The following MYZAP variants were observed in gnomAD, a reference collection of about 807,000 sequenced individuals.
MYZAP encodes GRINL1A complex locus upstream.
MYZAP carries 66 observed loss-of-function variants against 69.4 expected under a neutral mutation model. The ratio of observed to expected loss-of-function variants is 0.95; its 90% CI spans 0.78 to 1.17. MYZAP has a LOEUF of 1.17. MYZAP is among the 50% of genes most tolerant of loss of function. The pLI is 0.00. For missense variants in MYZAP, 611 were observed against 556.2 expected (o/e 1.10, Z -0.99); for synonymous variants, 256 against 205.9 (o/e 1.24, Z -2.09).
intron 12 of MYZAP, 140 bp downstream of exon 12, chr15:57,675,208 G>A (rs1215316014): frequency 3.8e-6 from 3 of 798,688 alleles, no homozygotes; most frequent in Admixed American, 5.7e-5. Flanking sequence ...GCTGCTGAGA[G>A]GCTTGACTGG....
At chr15:57,602,239 A>T (rs556895250) in intron 1 of MYZAP, among the ~76,000 whole-genome samples, 1 of 152,184 alleles carries the variant, frequency 6.6e-6, no homozygotes, top group East Asian at 1.9e-4. Flanking sequence ...AACTACCACA[A>T]CGCCATTGGC....
chr15:57,629,256 T>C (rs2036352040), intron 5 of MYZAP, among the ~76,000 whole-genome samples: 2 of 152,156 alleles, frequency 1.3e-5, no homozygotes, highest in Non-Finnish European at 2.9e-5. Context: ...ATCATTCAGA[T>C]TTCCTCCTGG....
At chr15:57,625,423 C>T (rs117524976) in intron 4 of MYZAP, among the ~76,000 whole-genome samples, 2,251 of 152,286 alleles carry the variant, frequency 0.015, 30 homozygotes, top group South Asian at 0.045. Flanking sequence ...AAGGTGGCTG[C>T]AGAAGTTATT....
At chr15:57,672,241 C>G (rs763535147) in intron 11 of MYZAP, among the ~76,000 whole-genome samples, 2 of 152,154 alleles carry the variant, frequency 1.3e-5, no homozygotes, top group Non-Finnish European at 2.9e-5. Context: ...CGGGTTTCTT[C>G]CCCCAGAAAG....
chr15:57,616,539 G>A (rs1174772469), intron 2 of MYZAP, among the ~76,000 whole-genome samples: 1 of 152,194 alleles, frequency 6.6e-6, no homozygotes, highest in African/African-American at 2.4e-5. Context: ...AGGAGGCTGA[G>A]GTAGGAGAAT....
intron 12 of MYZAP, among the ~76,000 whole-genome samples, chr15:57,675,328 C>T (rs1361696919): frequency 6.6e-6 from 1 of 151,956 alleles, no homozygotes; most frequent in African/African-American, 2.4e-5. Context: ...TGCATTTGTT[C>T]CTTCCTTCCT....
chr15:57,647,312 G>T (rs1397766570), intron 10 of MYZAP: 1 of 985,236 alleles, frequency 1.0e-6, no homozygotes, highest in African/African-American at 1.7e-5. Context: ...CAGATACGAT[G>T]CTGGGTATTC....
chr15:57,655,097 C>G (rs1294792011), intron 10 of MYZAP, among the ~76,000 whole-genome samples: 1 of 152,072 alleles, frequency 6.6e-6, no homozygotes, highest in African/African-American at 2.4e-5. Flanking sequence ...GGGGTAGGTT[C>G]AAAGGCTGAG....
At chr15:57,657,270 GT>G (rs1488854045) in intron 10 of MYZAP, among the ~76,000 whole-genome samples, 1 of 152,068 alleles carries the variant, frequency 6.6e-6, no homozygotes, top group Non-Finnish European at 1.5e-5. Flanking sequence ...GAAGCTTTTA[GT>G]TCCATTTTGC....
chr15:57,636,050 T>C (rs369437527), intron 8 of MYZAP, among the ~76,000 whole-genome samples: 31 of 152,244 alleles, frequency 2.0e-4, no homozygotes, highest in African/African-American at 7.5e-4. Flanking sequence ...TTAAGATTTA[T>C]TGTACCTCAA....
At chr15:57,629,273 TC>T (rs1432047564) in intron 5 of MYZAP, among the ~76,000 whole-genome samples, 10 of 151,942 alleles carry the variant, frequency 6.6e-5, no homozygotes, top group African/African-American at 2.2e-4. Flanking sequence ...CTGGTCTTTT[TC>T]CCCCCAGTGC....
intron 4 of MYZAP, among the ~76,000 whole-genome samples, 198 bp downstream of exon 4, chr15:57,621,898 AT>A (rs1242067061): frequency 1.3e-5 from 2 of 152,216 alleles, no homozygotes; most frequent in African/African-American, 4.8e-5. Context: ...GAATAATCGT[AT>A]TCATATTCAA....
intron 10 of MYZAP, among the ~76,000 whole-genome samples, chr15:57,642,397 A>G (rs2037211762): frequency 1.3e-5 from 2 of 152,198 alleles, no homozygotes; most frequent in Non-Finnish European, 2.9e-5. Flanking sequence ...GGAGTACTGA[A>G]TTGGTCACTT....
rs77260126 is a variant in MYZAP, at chr15:57,603,341, G to A, written c.76-928G>A. On this transcript the variant is annotated intron_variant, in intron 1 of 12. Coordinates refer to ENST00000267853, the MANE Select transcript of MYZAP (RefSeq NM_001018100.5). ...TTTTTTAAATTGTAGCAATGTACTT[G>A]TGAGATTTACCATTTTGACCCTTTT... is the stretch of plus-strand genomic sequence containing the variant. Among the ~76,000 whole-genome samples the A allele has an allele frequency of 5.7e-4, 86 of 151,846 alleles. 1 individual carries two copies. The East Asian group carries it at 0.015, about 27-fold the overall frequency.
At chr15:57,612,753 G>T (rs1400844324) in intron 2 of MYZAP, among the ~76,000 whole-genome samples, 2 of 152,170 alleles carry the variant, frequency 1.3e-5, no homozygotes, top group African/African-American at 4.8e-5. Context: ...GCTGCCAGAT[G>T]TATCTTTAGG....
intron 11 of MYZAP, among the ~76,000 whole-genome samples, chr15:57,666,166 A>G (rs1436470164): frequency 6.6e-6 from 1 of 152,236 alleles, no homozygotes; most frequent in African/African-American, 2.4e-5. Context: ...ACCTTGGGCA[A>G]ATCATGCCAC....
chr15:57,646,103 A>G (rs2037431496), intron 10 of MYZAP: 1 of 1,274,946 alleles, frequency 7.8e-7, no homozygotes, highest in African/African-American at 1.5e-5. Flanking sequence ...CACCAAGCCC[A>G]CAAACCTAAT....
intron 2 of MYZAP, among the ~76,000 whole-genome samples, chr15:57,616,873 G>A (rs1344382561): frequency 1.7e-5 from 2 of 115,956 alleles, no homozygotes; most frequent in Non-Finnish European, 3.3e-5. Flanking sequence ...GAATCTCTGT[G>A]TAAAGGCAGT....
chr15:57,684,527 T>A lies in MYZAP; in HGVS notation c.*29T>A. The A allele has an allele frequency of 7.0e-7, 1 of 1,423,928 alleles. No homozygotes were observed. The highest frequency in any genetic ancestry group is 9.8e-7 in the Non-Finnish European group (1 of 1,017,156). 88.2% of individuals were successfully genotyped at this position (1,423,928 alleles called of 1,614,324 possible). A position where few individuals can be genotyped will look rare whatever the true frequency, so the allele number is the denominator to read the frequency against. ...CTCAGAGGCATACACTTTTTACAGA[T>A]GGACAAAAGCTCTGGAACCCTGTGG... is the stretch of plus-strand genomic sequence containing the variant. On this transcript the variant is annotated 3_prime_UTR_variant, in exon 13 of 13. Coordinates refer to ENST00000267853, the MANE Select transcript of MYZAP (RefSeq NM_001018100.5).
Sources: gnomAD v4.1 joint callset for allele counts (sites outside exome capture counted in the v4.1 genomes callset) on GRCh38, gnomAD v4.1.1 for gene constraint, MANE v1.5 for transcripts, NCBI Gene and HGNC (gene_info 2026-07-23, HGNC 2026-07-21) for gene names.